Variants in PDE7B observed in about 807,000 individuals in gnomAD.
PDE7B encodes the protein 3',5'-cyclic-AMP phosphodiesterase 7B.
A neutral mutation model predicts 56.2 loss-of-function variants in PDE7B; 29 were observed. The observed-to-expected ratio is 0.52, with a 90% CI of 0.38 to 0.70. The LOEUF is 0.70. PDE7B is among the 30% of genes least tolerant of loss of function. The pLI, the probability that PDE7B is intolerant of heterozygous loss-of-function variation, is 0.00. For missense variants in PDE7B, 490 were observed against 565.0 expected (o/e 0.87, Z 1.35); for synonymous variants, 197 against 196.9 (o/e 1.00, Z 0.00).
chr6:136,170,436 A>G (rs965618296), intron 8 of PDE7B, among the ~76,000 whole-genome samples: 1 of 152,084 alleles, frequency 6.6e-6, no homozygotes, highest in Non-Finnish European at 1.5e-5. Context: ...CCCTGTGCCC[A>G]TTAAACAATA....
intron 2 of PDE7B, among the ~76,000 whole-genome samples, chr6:136,023,879 G>A (rs568486523): frequency 2.8e-4 from 43 of 152,030 alleles, no homozygotes; most frequent in Middle Eastern, 6.8e-3. Context: ...CACTACTTTC[G>A]TGCCCAAAAT....
intron 2 of PDE7B, among the ~76,000 whole-genome samples, chr6:136,048,110 A>T (rs576174698): frequency 6.0e-5 from 9 of 149,846 alleles, no homozygotes; most frequent in African/African-American, 2.3e-4. Context: ...ACAGACAGAC[A>T]GATAGATAGA....
intron 2 of PDE7B, among the ~76,000 whole-genome samples, chr6:136,077,484 T>C (rs1777143752): frequency 6.6e-6 from 1 of 151,246 alleles, no homozygotes; most frequent in Non-Finnish European, 1.5e-5. Flanking sequence ...AGGGAAATGT[T>C]TTGGATCATT....
intron 3 of PDE7B, among the ~76,000 whole-genome samples, chr6:136,139,534 G>A (rs2128445703): frequency 6.6e-6 from 1 of 152,266 alleles, no homozygotes; most frequent in East Asian, 1.9e-4. Context: ...AGATCCTTGA[G>A]GAATCGCCAC....
intron 8 of PDE7B, among the ~76,000 whole-genome samples, chr6:136,161,446 G>A (rs1426387031): frequency 6.6e-6 from 1 of 152,028 alleles, no homozygotes; most frequent in African/African-American, 2.4e-5. Flanking sequence ...GTCTTACTAA[G>A]AATACACAGA....
intron 11 of PDE7B, among the ~76,000 whole-genome samples, chr6:136,184,914 C>T (rs1779120380): frequency 1.3e-5 from 2 of 152,116 alleles, no homozygotes; most frequent in African/African-American, 4.8e-5. Context: ...AAGAAACAAG[C>T]AGGGACCCTT....
At chr6:136,046,869 C>T (rs571996936) in intron 2 of PDE7B, among the ~76,000 whole-genome samples, 5 of 152,204 alleles carry the variant, frequency 3.3e-5, no homozygotes, top group South Asian at 4.2e-4. Flanking sequence ...AAACAAAACC[C>T]GAAAACCTGT....
chr6:135,968,165 A>C (rs1322372966), intron 2 of PDE7B, among the ~76,000 whole-genome samples: 1 of 152,210 alleles, frequency 6.6e-6, no homozygotes, highest in Non-Finnish European at 1.5e-5. Context: ...CTCAAGATAG[A>C]TTAAAGACTT....
chr6:136,189,722 G>A (rs544167122), intron 12 of PDE7B, among the ~76,000 whole-genome samples: 11 of 94,570 alleles, frequency 1.2e-4, no homozygotes, highest in South Asian at 3.5e-4. Flanking sequence ...CTTCCTCCCC[G>A]CAACCCCCCG....
At chr6:136,171,092 A>G (rs1047730708) in intron 8 of PDE7B, among the ~76,000 whole-genome samples, 1 of 152,202 alleles carries the variant, frequency 6.6e-6, no homozygotes, top group East Asian at 1.9e-4. Flanking sequence ...TATGAAGTCA[A>G]TGGTACAGAC....
chr6:136,147,394 A>G lies in PDE7B; in HGVS notation c.210A>G (p.Lys70=). Residue 70 remains lysine (K), a synonymous_variant, in exon 4 of 13, where the codon AAA becomes AAG. Coordinates refer to ENST00000308191, the MANE Select transcript of PDE7B (RefSeq NM_018945.4). ...SGEIGTKKKV[K]RLLSFQRYFH... Reference sequence around the variant, plus strand: ...AGATTGGCACCAAGAAAAAGGTGAAAAGACTATTAAGCTTTCAAAGATACT... The same window carrying G: ...AGATTGGCACCAAGAAAAAGGTGAAGAGACTATTAAGCTTTCAAAGATACT... The G allele has an allele frequency of 1.2e-6, 2 of 1,613,100 alleles. No homozygotes were observed. Among genetic ancestry groups the G allele is most frequent in the Non-Finnish European group, 1.7e-6 (2 of 1,179,110 alleles).
chr6:135,953,500 T>C (rs1053381424), intron 2 of PDE7B, among the ~76,000 whole-genome samples: 60 of 152,148 alleles, frequency 3.9e-4, no homozygotes, highest in African/African-American at 1.4e-3. Flanking sequence ...AACAATATTA[T>C]TGTCTACCTT....
chr6:135,959,814 C>T (rs1006533106), intron 2 of PDE7B, among the ~76,000 whole-genome samples: 1 of 152,040 alleles, frequency 6.6e-6, no homozygotes, highest in Non-Finnish European at 1.5e-5. Flanking sequence ...CAGTTTGTTA[C>T]CCAGGCTGAA....
At position 135,939,349 on chromosome 6, in the gene PDE7B, C is replaced by T. The variant is rs1189600449; in HGVS notation, c.22-8115C>T. On this transcript the variant is annotated intron_variant, in intron 1 of 12. Coordinates refer to ENST00000308191, the MANE Select transcript of PDE7B (RefSeq NM_018945.4). Reference sequence around the variant, plus strand: ...TTTGACTGGCTGAGGTTGGGCTGGACGATGAGGCCCTGATTTGAAAGCAGT... The same window carrying T: ...TTTGACTGGCTGAGGTTGGGCTGGATGATGAGGCCCTGATTTGAAAGCAGT... 2.0e-5 allele frequency among the ~76,000 whole-genome samples: 3 copies of T among 152,006 alleles called. No individual in the cohort carries two copies. The East Asian group carries it at 5.8e-4, about 29-fold the overall frequency.
intron 3 of PDE7B, among the ~76,000 whole-genome samples, chr6:136,138,684 C>T (rs1301903054): frequency 6.6e-6 from 1 of 151,924 alleles, no homozygotes; most frequent in African/African-American, 2.4e-5. Context: ...AAAGGATAAC[C>T]CAGATAGAAG....
At chr6:135,948,778 T>C (rs1256306532) in intron 2 of PDE7B, among the ~76,000 whole-genome samples, 1 of 151,760 alleles carries the variant, frequency 6.6e-6, no homozygotes, top group Non-Finnish European at 1.5e-5. Context: ...ATTTCAAATA[T>C]CCAATATTCC....
chr6:136,011,020 G>A (rs570304375), intron 2 of PDE7B, among the ~76,000 whole-genome samples: 1 of 152,192 alleles, frequency 6.6e-6, no homozygotes, highest in South Asian at 2.1e-4. Context: ...CCTCAGCCTT[G>A]GAGATTTACA....
chr6:136,023,833 A>G (rs991425208), intron 2 of PDE7B, among the ~76,000 whole-genome samples: 8 of 152,186 alleles, frequency 5.3e-5, no homozygotes, highest in Admixed American at 2.6e-4. Context: ...GAGTTGCTTT[A>G]GTTTTTTAGG....
intron 1 of PDE7B, among the ~76,000 whole-genome samples, chr6:135,923,767 AAC>A (rs1481861517): frequency 6.6e-6 from 1 of 152,204 alleles, no homozygotes; most frequent in Non-Finnish European, 1.5e-5. Flanking sequence ...ATAAAATTAA[AAC>A]ACAAGTGACA....
Sources: gnomAD v4.1 joint callset for allele counts (sites outside exome capture counted in the v4.1 genomes callset) on GRCh38, gnomAD v4.1.1 for gene constraint, MANE v1.5 for transcripts, NCBI Gene and HGNC (gene_info 2026-07-23, HGNC 2026-07-21) for gene names.